Variants in SCAI observed in about 807,000 individuals in gnomAD.
The protein encoded by SCAI is suppressor of cancer cell invasion.
In SCAI, 24 loss-of-function variants were observed where a neutral mutation model predicts 92.2. The observed-to-expected ratio is 0.26, with a 90% CI of 0.19 to 0.37. The LOEUF (loss-of-function observed/expected upper bound fraction) is 0.37. Ranked by LOEUF, SCAI falls within the 10% of genes least tolerant of loss-of-function variation. SCAI has a pLI of 1.00. For missense variants in SCAI, 450 were observed against 736.2 expected (o/e 0.61, Z 4.50); for synonymous variants, 261 against 258.6 (o/e 1.01, Z -0.09).
chr9:125,007,392 C>T (rs1333472421), intron 9 of SCAI, among the ~76,000 whole-genome samples: 3 of 151,910 alleles, frequency 2.0e-5, no homozygotes, highest in Non-Finnish European at 2.9e-5. Context: ...TTAAAATCTA[C>T]TAAAAAATAA....
At chr9:124,967,544 C>T (rs991717158) in intron 17 of SCAI, among the ~76,000 whole-genome samples, 1 of 152,126 alleles carries the variant, frequency 6.6e-6, no homozygotes, top group African/African-American at 2.4e-5. Context: ...TATTATGCTA[C>T]ATCACTCAGC....
intron 14 of SCAI, among the ~76,000 whole-genome samples, chr9:124,993,624 T>C (rs1832180007): frequency 6.6e-6 from 1 of 152,072 alleles, no homozygotes; most frequent in African/African-American, 2.4e-5. Flanking sequence ...CTGCTAACTT[T>C]CCTAAAAATC....
intron 2 of SCAI, among the ~76,000 whole-genome samples, chr9:125,056,453 A>C (rs1833669344): frequency 6.6e-6 from 1 of 152,176 alleles, no homozygotes; most frequent in South Asian, 2.1e-4. Context: ...TGACAGAGCG[A>C]GACACCATCT....
intron 2 of SCAI, among the ~76,000 whole-genome samples, chr9:125,108,726 G>A (rs982604060): frequency 7.4e-5 from 11 of 149,428 alleles, no homozygotes; most frequent in East Asian, 2.0e-4. Context: ...CAGCCGCCCC[G>A]TCCAGGAAGT....
chr9:125,135,967 CAAA>C (rs1835513260), intron 2 of SCAI, among the ~76,000 whole-genome samples: 2 of 79,486 alleles, frequency 2.5e-5, no homozygotes, highest in Admixed American at 2.7e-4. Flanking sequence ...AACTCCATCT[CAAA>C]CAAAAAAAAA....
Position 125,046,341 on chromosome 9 carries a change from A to ATGTGTGTG in SCAI, c.230+9527_230+9534dup, listed in dbSNP as rs139304609. Among the ~76,000 whole-genome samples the ATGTGTGTG allele has an allele frequency of 9.0e-4, 72 of 80,428 alleles. 1 individual carries two copies. Among genetic ancestry groups the ATGTGTGTG allele is most frequent in the South Asian group, 6.5e-3 (11 of 1,696 alleles). 52.8% of individuals were successfully genotyped at this position (80,428 alleles called of 152,430 possible). A position where few individuals can be genotyped will look rare whatever the true frequency, so the allele number is the denominator to read the frequency against. The stretch of plus-strand genomic sequence containing the variant: ...TACACACACACACACACATATATAT[A>ATGTGTGTG]TGTGTGTGTGTGTATATATATATGA... On this transcript the variant is annotated intron_variant, in intron 3 of 17. Coordinates refer to ENST00000336505, the MANE Select transcript of SCAI (RefSeq NM_001144877.3).
At chr9:124,966,552 TATA>T in intron 17 of SCAI, among the ~76,000 whole-genome samples, 1 of 152,212 alleles carries the variant, frequency 6.6e-6, no homozygotes, top group East Asian at 1.9e-4. Context: ...GTATATATCT[TATA>T]GTAGTAAATG....
intron 2 of SCAI, among the ~76,000 whole-genome samples, chr9:125,060,854 T>G (rs573646192): frequency 8.5e-5 from 13 of 152,158 alleles, no homozygotes; most frequent in Admixed American, 5.9e-4. Flanking sequence ...CTAATACAGC[T>G]AGGTTGCAAA....
At chr9:125,095,122 T>C in intron 2 of SCAI, among the ~76,000 whole-genome samples, 1 of 152,188 alleles carries the variant, frequency 6.6e-6, no homozygotes, top group East Asian at 1.9e-4. Flanking sequence ...CAAGGTCATG[T>C]GCTTCCCAAG....
intron 14 of SCAI, among the ~76,000 whole-genome samples, chr9:124,978,261 T>C (rs758885361): frequency 3.0e-4 from 45 of 152,216 alleles, no homozygotes; most frequent in Non-Finnish European, 5.4e-4. Flanking sequence ...GCCAACATAA[T>C]GAAACCCCGT....
chr9:125,135,661 A>G (rs55667828), intron 2 of SCAI, among the ~76,000 whole-genome samples: 62,229 of 149,870 alleles, frequency 0.42, 13,132 homozygotes, highest in East Asian at 0.54. Context: ...TCAAAACTAA[A>G]TAAAAATTTT....
At chr9:125,136,933 G>T (rs143115131) in intron 2 of SCAI, among the ~76,000 whole-genome samples, 3 of 151,014 alleles carry the variant, frequency 2.0e-5, no homozygotes, top group Admixed American at 6.6e-5. Context: ...ACTAATTTTT[G>T]TATTTTTTAG....
chr9:124,954,983 T>C (rs1260730926), intron 17 of SCAI, among the ~76,000 whole-genome samples: 1 of 151,926 alleles, frequency 6.6e-6, no homozygotes, highest in Non-Finnish European at 1.5e-5. Context: ...CTGGCCAACA[T>C]GGTGAAACCT....
chr9:125,106,122 A>AAAAAATAT (rs1554791724), intron 2 of SCAI, among the ~76,000 whole-genome samples: 5 of 8,862 alleles, frequency 5.6e-4, no homozygotes, highest in African/African-American at 6.9e-4. Context: ...AAAAAAAAAA[A>AAAAAATAT]ATATATATAT....
At chr9:124,998,309 C>T (rs1366542403) in intron 13 of SCAI, among the ~76,000 whole-genome samples, 1 of 152,020 alleles carries the variant, frequency 6.6e-6, no homozygotes, top group Admixed American at 6.6e-5. Context: ...AAAAATTAGC[C>T]AGGCGTGGTG....
At chr9:125,047,155 C>T (rs1414412760) in intron 3 of SCAI, among the ~76,000 whole-genome samples, 1 of 152,054 alleles carries the variant, frequency 6.6e-6, no homozygotes, top group Non-Finnish European at 1.5e-5. Context: ...GGAGATAGGG[C>T]CTTTAAAGAG....
intron 14 of SCAI, among the ~76,000 whole-genome samples, chr9:124,993,687 A>G (rs944685191): frequency 1.3e-5 from 2 of 152,340 alleles, no homozygotes; most frequent in East Asian, 1.9e-4. Context: ...TGAAAAATGT[A>G]TGGTGCATTG....
At chr9:125,125,988 A>G (rs1474578788) in intron 2 of SCAI, among the ~76,000 whole-genome samples, 1 of 151,908 alleles carries the variant, frequency 6.6e-6, no homozygotes, top group Admixed American at 6.6e-5. Context: ...ATACAGGATA[A>G]GAGAAATCTT....
intron 3 of SCAI, among the ~76,000 whole-genome samples, chr9:125,032,988 A>T (rs1050146175): frequency 2.6e-5 from 4 of 152,134 alleles, no homozygotes; most frequent in Non-Finnish European, 5.9e-5. Context: ...TGATCTCTTC[A>T]ATTAATAGGA....
Sources: allele counts gnomAD v4.1 joint callset (sites outside exome capture counted in the v4.1 genomes callset), GRCh38; gene constraint gnomAD v4.1.1; transcripts MANE v1.5; gene names NCBI Gene and HGNC (gene_info 2026-07-23, HGNC 2026-07-21).